Variants in NAT1 observed in about 807,000 individuals in gnomAD.
NAT1 encodes arylamine N-acetyltransferase 1.
For synonymous variants in NAT1, 144 were observed against 122.6 expected, an observed-to-expected ratio of 1.17 and a Z score of -1.16; for missense variants, 400 against 339.2, an observed-to-expected ratio of 1.18 and a Z score of -1.41.
intron 2 of NAT1, among the ~76,000 whole-genome samples, chr8:18,200,533 T>G (rs1321594602): frequency 6.6e-6 from 1 of 151,988 alleles, no homozygotes; most frequent in Non-Finnish European, 1.5e-5. Flanking sequence ...GGGATCTACT[T>G]AAGGGTAAAG....
intron 2 of NAT1, among the ~76,000 whole-genome samples, chr8:18,202,310 C>G (rs931632159): frequency 6.6e-6 from 1 of 152,146 alleles, no homozygotes; most frequent in Non-Finnish European, 1.5e-5. Context: ...GGTTACCTAG[C>G]TAACAATTAT....
chr8:18,170,716 A>T (rs531406881), exon 2 of NAT1: 1 of 152,274 alleles, frequency 6.6e-6, no homozygotes, highest in East Asian at 1.9e-4. Context: ...TCCAGTGACC[A>T]TCCCAGGAAC....
chr8:18,184,110 C>T (rs1245838601), intron 2 of NAT1, among the ~76,000 whole-genome samples: 1 of 152,126 alleles, frequency 6.6e-6, no homozygotes, highest in Non-Finnish European at 1.5e-5. Flanking sequence ...CTGTGGTGGC[C>T]CCACCCCTGT....
At chr8:18,177,285 A>T (rs1802330400) in intron 2 of NAT1, among the ~76,000 whole-genome samples, 1 of 152,094 alleles carries the variant, frequency 6.6e-6, no homozygotes, top group African/African-American at 2.4e-5. Flanking sequence ...ATTAAAAGAC[A>T]TTGAATAGGT....
chr8:18,215,785 C>T (rs539982310), intron 1 of NAT1, among the ~76,000 whole-genome samples: 9 of 152,164 alleles, frequency 5.9e-5, no homozygotes, highest in African/African-American at 2.2e-4. Context: ...CTTTTATTTG[C>T]TGCTTGAATC....
In NAT1 at chr8:18,220,668, T is replaced by C. The variant is rs188383026; in HGVS notation, c.-7+1179T>C. ...GTTTTTCATCTCTTGGTAAACTTGG[T>C]GAACTCTTTGTTAGTGTTGTTCTTC... On this transcript the variant is annotated intron_variant, in intron 2 of 2. Transcript: ENST00000307719. Among the ~76,000 whole-genome samples the C allele has an allele frequency of 4.7e-3, 697 of 149,046 alleles. 5 individuals are homozygous for C. The highest frequency in any genetic ancestry group is 0.016 in the African/African-American group (666 of 41,332).
chr8:18,197,029 T>C (rs1416486635), intron 2 of NAT1, among the ~76,000 whole-genome samples: 1 of 152,170 alleles, frequency 6.6e-6, no homozygotes, highest in African/African-American at 2.4e-5. Context: ...TCAGGAAACT[T>C]AAAACCACGG....
chr8:18,197,303 C>A (rs1468875447), intron 2 of NAT1, among the ~76,000 whole-genome samples: 1 of 152,010 alleles, frequency 6.6e-6, no homozygotes, highest in Non-Finnish European at 1.5e-5. Flanking sequence ...TTTTATTATC[C>A]CCACTTTATA....
At chr8:18,220,653 T>C (rs991163947) in intron 2 of NAT1, among the ~76,000 whole-genome samples, 5 of 152,214 alleles carry the variant, frequency 3.3e-5, no homozygotes, top group Non-Finnish European at 7.3e-5. Flanking sequence ...GTTTTTCATC[T>C]CTTGGTAAAC....
rs988860658 is a variant in NAT1 at position 18,196,486 on chromosome 8, C to T, written n.93-13295C>T. Among the ~76,000 whole-genome samples, 12 of 152,250 alleles carry T rather than the reference C, an allele frequency of 7.9e-5. 1 individual carries two copies. In the South Asian group the frequency reaches 2.5e-3, roughly 32 times the overall value. On this transcript the variant is annotated intron_variant and non_coding_transcript_variant, in intron 2 of 4. Coordinates refer to the NAT1 transcript ENST00000517441. ...ATGAAAGTAGATGATGACAGACTAACACTTCAGTACAAAAAGAGATGCTTT... is the reference window on the plus strand; with the variant it reads ...ATGAAAGTAGATGATGACAGACTAATACTTCAGTACAAAAAGAGATGCTTT...
At chr8:18,189,014 A>C (rs1287013931) in intron 2 of NAT1, among the ~76,000 whole-genome samples, 3 of 141,986 alleles carry the variant, frequency 2.1e-5, no homozygotes, top group African/African-American at 5.4e-5. Flanking sequence ...AAAAAAAAAG[A>C]AAGAAAGAAA....
upstream of NAT1, among the ~76,000 whole-genome samples, chr8:18,209,472 C>G (rs10088926): frequency 1.3e-5 from 2 of 152,118 alleles, no homozygotes; most frequent in Admixed American, 6.5e-5. Context: ...AATAAAGAAA[C>G]AAAAATTATG....
intron 2 of NAT1, among the ~76,000 whole-genome samples, chr8:18,171,477 C>G (rs576854426): frequency 2.6e-5 from 4 of 152,232 alleles, no homozygotes; most frequent in Admixed American, 2.0e-4. Flanking sequence ...CCGAATTAAC[C>G]CTGTTTTGCT....
intron 2 of NAT1, among the ~76,000 whole-genome samples, chr8:18,186,285 T>A (rs537419555): frequency 2.0e-5 from 3 of 152,360 alleles, no homozygotes; most frequent in African/African-American, 7.2e-5. Context: ...TTTTACTGTA[T>A]GATTGTACAT....
chr8:18,222,117 T>C lies in NAT1; in HGVS notation c.70T>C (p.Leu24=). 1 of 1,614,130 alleles carries C rather than the reference T, an allele frequency of 6.2e-7. No individual in the cohort carries two copies. Among genetic ancestry groups the C allele is most frequent in the South Asian group, 1.1e-5 (1 of 91,082 alleles). ...KSRNKLDLET[L]TDILQHQIRA... is the part of the protein sequence containing the mutation. ...TAGGAACAAATTGGACTTGGAAACA[T>C]TAACTGACATTCTTCAACACCAGAT... is the stretch of plus-strand genomic sequence containing the variant. The change falls in exon 3 of 3, where the codon TTA becomes CTA. Residue 24 remains leucine, a synonymous_variant. Coordinates refer to ENST00000307719, the MANE Select transcript of NAT1 (RefSeq NM_000662.8).
intron 2 of NAT1, among the ~76,000 whole-genome samples, chr8:18,175,001 G>T (rs2040476): frequency 0.11 from 16,267 of 151,838 alleles, 1,064 homozygotes; most frequent in African/African-American, 0.17. Flanking sequence ...CCTGCTGCCT[G>T]GTTTTATTAA....
At chr8:18,170,778 T>A (rs1395353188) in intron 2 of NAT1, 1 of 152,180 alleles carries the variant, frequency 6.6e-6, no homozygotes, top group African/African-American at 2.4e-5. Flanking sequence ...CAGGGATCTC[T>A]TTTCTGGGCC....
intron 2 of NAT1, chr8:18,200,849 G>A (rs997594635): frequency 1.3e-5 from 2 of 151,992 alleles, no homozygotes; most frequent in Admixed American, 6.6e-5. Flanking sequence ...CAACACTCAG[G>A]ACCTTGATAT....
chr8:18,188,496 CAA>C (rs1802833802), intron 2 of NAT1, among the ~76,000 whole-genome samples: 1 of 151,830 alleles, frequency 6.6e-6, no homozygotes, highest in Non-Finnish European at 1.5e-5. Context: ...GCTTTTGACT[CAA>C]GTTTAAGTCA....
Sources: gnomAD v4.1 joint callset for allele counts (sites outside exome capture counted in the v4.1 genomes callset) on GRCh38, gnomAD v4.1.1 for gene constraint, MANE v1.5 for transcripts, NCBI Gene and HGNC (gene_info 2026-07-23, HGNC 2026-07-21) for gene names.